Variants in CHIC1 observed in about 807,000 individuals in gnomAD.
CHIC1 encodes the protein cysteine-rich hydrophobic domain-containing protein 1.
Under a neutral mutation model 18.5 loss-of-function variants are expected in CHIC1, and 7 were observed. That is an observed-to-expected ratio of 0.38 (90% confidence interval 0.22 to 0.71). The LOEUF is 0.71. CHIC1 is among the 30% of genes least tolerant of loss of function. The probability of loss-of-function intolerance (pLI) is 0.49; values close to 1 mark genes in which losing one functional copy is unlikely to be tolerated. For synonymous variants in CHIC1, 77 were observed against 73.5 expected, an observed-to-expected ratio of 1.05 and a Z score of -0.25; for missense variants, 159 against 176.9, an observed-to-expected ratio of 0.90 and a Z score of 0.57.
At chrX:73,657,175 T>G (rs180810799) in intron 3 of CHIC1, among the ~76,000 whole-genome samples, 79 of 107,277 alleles carry the variant, frequency 7.4e-4, no homozygotes, top group African/African-American at 2.6e-3. Flanking sequence ...TTCTCCCACC[T>G]CAGCCTCTGG....
At chrX:73,650,701 C>CAA (rs139432536) in intron 3 of CHIC1, among the ~76,000 whole-genome samples, 87 of 64,778 alleles carry the variant, frequency 1.3e-3, no homozygotes, top group South Asian at 3.5e-3. Context: ...GCCTACCAAC[C>CAA]AAAAAAAAAA....
intron 3 of CHIC1, among the ~76,000 whole-genome samples, chrX:73,641,575 G>C (rs1272346673): frequency 9.1e-6 from 1 of 110,275 alleles, no homozygotes; most frequent in Non-Finnish European, 1.9e-5. Context: ...GTGCAGGTTA[G>C]TTACCTACGT....
rs777053866 is a variant in CHIC1, at chrX:73,679,700, A to C, written c.611A>C (p.Asn204Thr). ...KLTKRKCETSNMMEYVILIEF... is the reference protein window; with the variant it reads ...KLTKRKCETSTMMEYVILIEF... ...ACTAAGAGGAAATGTGAAACTAGCA[A>C]TATGATGGAGTATGTAAGTATGAGG... is the stretch of plus-strand genomic sequence containing the variant. Residue 204 changes from asparagine to threonine, a missense_variant, in exon 5 of 6, where the codon AAT (asparagine) becomes ACT (threonine). Coordinates refer to ENST00000373502, the MANE Select transcript of CHIC1 (RefSeq NM_001039840.4). 63 of 1,090,091 alleles carry C rather than the reference A, an allele frequency of 5.8e-5. No homozygotes were observed. The Admixed American group carries it at 7.9e-4, about 14-fold the overall frequency. 89.8% of individuals were successfully genotyped at this position (1,090,091 alleles called of 1,213,427 possible).
intron 3 of CHIC1, among the ~76,000 whole-genome samples, chrX:73,661,795 A>G (rs1337943606): frequency 7.2e-5 from 8 of 111,453 alleles, no homozygotes; most frequent in Non-Finnish European, 1.3e-4. Flanking sequence ...GAGTGCTAGT[A>G]AATCCAGAAT....
chrX:73,648,116 G>A (rs757382629), intron 3 of CHIC1, among the ~76,000 whole-genome samples: 7 of 111,565 alleles, frequency 6.3e-5, no homozygotes, highest in African/African-American at 2.0e-4. Flanking sequence ...GTAGAGAAGA[G>A]GGACCTGACC....
In CHIC1 at chrX:73,685,059, A is replaced by T. The variant is rs1445097103; in HGVS notation, c.*4054A>T. The T allele has an allele frequency of 1.8e-5, 2 of 111,628 alleles. No homozygotes were observed. Among genetic ancestry groups the T allele is most frequent in the African/African-American group, 3.2e-5 (1 of 30,779 alleles). The allele number at this position is 111,628 out of a possible 1,213,427, so 9.2% of individuals were successfully genotyped here. On this transcript the variant is annotated 3_prime_UTR_variant, in exon 6 of 6. Coordinates refer to ENST00000373502, the MANE Select transcript of CHIC1 (RefSeq NM_001039840.4). ...GGTGGAACCTAGAGCTGGACAAAAA[A>T]TTAGAGATCACTTAACATTCTGTGA...
chrX:73,568,879 C>G (rs1221695055), intron 1 of CHIC1, among the ~76,000 whole-genome samples: 1 of 111,660 alleles, frequency 9.0e-6, no homozygotes, highest in African/African-American at 3.2e-5. Flanking sequence ...CTTCTCAAAT[C>G]AGGGAATGGA....
chrX:73,612,901 G>T (rs1015057175), intron 3 of CHIC1, among the ~76,000 whole-genome samples: 1 of 111,799 alleles, frequency 8.9e-6, no homozygotes, highest in Non-Finnish European at 1.9e-5. Flanking sequence ...CTAATGCTGA[G>T]AGTGAGGTGC....
At chrX:73,654,536 G>A (rs747472418) in intron 3 of CHIC1, among the ~76,000 whole-genome samples, 30 of 111,747 alleles carry the variant, frequency 2.7e-4, no homozygotes, top group Non-Finnish European at 5.5e-4. Flanking sequence ...AGGTTAATGC[G>A]GGCCTTGTAG....
chrX:73,672,781 T>A (rs1315829596), intron 3 of CHIC1, among the ~76,000 whole-genome samples: 3 of 111,888 alleles, frequency 2.7e-5, no homozygotes, highest in African/African-American at 9.8e-5. Context: ...TAGATCCCAT[T>A]TGTCAATTTT....
chrX:73,609,038 C>T (rs1330996300), intron 3 of CHIC1, among the ~76,000 whole-genome samples: 2 of 105,679 alleles, frequency 1.9e-5, no homozygotes. Flanking sequence ...TCCTGTATTC[C>T]CAGCTACTTG....
chrX:73,647,967 C>T (rs2057896961), intron 3 of CHIC1, among the ~76,000 whole-genome samples: 1 of 111,587 alleles, frequency 9.0e-6, no homozygotes, highest in South Asian at 3.8e-4. Flanking sequence ...ATTCTACTGA[C>T]ATCAGGTCAA....
At chrX:73,645,446 A>G (rs1026846716) in intron 3 of CHIC1, among the ~76,000 whole-genome samples, 1 of 111,894 alleles carries the variant, frequency 8.9e-6, no homozygotes, top group Non-Finnish European at 1.9e-5. Context: ...TTGCTGGATT[A>G]TATGGGAATT....
intron 3 of CHIC1, among the ~76,000 whole-genome samples, chrX:73,657,806 A>G (rs1008651721): frequency 9.0e-6 from 1 of 111,183 alleles, no homozygotes; most frequent in Admixed American, 9.6e-5. Flanking sequence ...TATCTAGGTT[A>G]TTGAGAGCTT....
rs1265010769 is a variant in CHIC1, at chrX:73,634,761, G to T, written c.508-44565G>T. Among the ~76,000 whole-genome samples the T allele has an allele frequency of 4.5e-5, 5 of 111,600 alleles. No homozygotes were observed. In the Admixed American group the frequency reaches 4.7e-4, roughly 11 times the overall value. ...TCCCTCAGTATTCAAGGTGCAGAGA[G>T]ATAGATATGGCCTCCTGGGCCATAT... On this transcript the variant is annotated intron_variant, in intron 3 of 5. Coordinates refer to ENST00000373502, the MANE Select transcript of CHIC1 (RefSeq NM_001039840.4).
At position 73,563,407 on chromosome X, in the gene CHIC1, C is replaced by G. The variant is rs775973130; in HGVS notation, c.123C>G (p.Pro41=). 9.6e-6 allele frequency: 11 copies of G among 1,151,720 alleles called. No individual in the cohort carries two copies. The African/African-American group carries it at 1.1e-4, about 12-fold the overall frequency. The allele number at this position is 1,151,720 out of a possible 1,213,427, so 94.9% of individuals were successfully genotyped here. ...CGTCGTCGTCGTCGGTATCTGGGCC[C>G]GACGATGACGAGGAGGATGAGGAGG... The part of the protein sequence containing the change: ...SPSSSSSVSG[P]DDDEEDEEEE... Residue 41 remains proline (P), a synonymous_variant, in exon 1 of 6, where the codon CCC becomes CCG. Coordinates refer to ENST00000373502, the MANE Select transcript of CHIC1 (RefSeq NM_001039840.4).
chrX:73,623,509 G>GT (rs377016748), intron 3 of CHIC1, among the ~76,000 whole-genome samples: 151 of 105,085 alleles, frequency 1.4e-3, no homozygotes, highest in African/African-American at 3.3e-3. Context: ...TTCAATACCT[G>GT]TTTTTTTTTT....
intron 3 of CHIC1, among the ~76,000 whole-genome samples, chrX:73,659,844 G>T (rs1032312947): frequency 6.3e-5 from 7 of 111,606 alleles, no homozygotes; most frequent in African/African-American, 2.3e-4. Context: ...TCTTGGGGTG[G>T]CATGGACTCT....
At chrX:73,603,430 A>G (rs1203121336) in intron 3 of CHIC1, among the ~76,000 whole-genome samples, 1 of 108,001 alleles carries the variant, frequency 9.3e-6, no homozygotes, top group Admixed American at 9.8e-5. Flanking sequence ...TAAATATACA[A>G]TCGTGTCGTC....
Sources: allele counts gnomAD v4.1 joint callset (sites outside exome capture counted in the v4.1 genomes callset), GRCh38; gene constraint gnomAD v4.1.1; transcripts MANE v1.5; gene names NCBI Gene and HGNC (gene_info 2026-07-23, HGNC 2026-07-21).